The following PCSK5 variants were observed in gnomAD, a reference collection of about 807,000 sequenced individuals.
PCSK5 encodes the protein proprotein convertase subtilisin/kexin type 5, also known as prohormone convertase 5.
PCSK5 carries 129 observed loss-of-function variants against 233.2 expected under a neutral mutation model. The observed-to-expected ratio is 0.55, with a 90% confidence interval of 0.48 to 0.64. PCSK5 has a LOEUF of 0.64. PCSK5 is among the 30% of genes least tolerant of loss of function. The pLI is 0.00. For missense variants in PCSK5, 2,076 were observed against 2,430.1 expected (o/e 0.85, Z 3.06); for synonymous variants, 825 against 879.2 (o/e 0.94, Z 1.09).
chr9:76,042,775 AACTT>A (rs966997528), intron 5 of PCSK5, among the ~76,000 whole-genome samples: 5 of 152,252 alleles, frequency 3.3e-5, no homozygotes, highest in African/African-American at 1.2e-4. Context: ...CCAAATCTCC[AACTT>A]ACTTATGTAC....
intron 30 of PCSK5, among the ~76,000 whole-genome samples, chr9:76,318,141 C>T (rs2131452826): frequency 6.6e-6 from 1 of 152,292 alleles, no homozygotes; most frequent in Admixed American, 6.5e-5. Flanking sequence ...CCAAAGAAAC[C>T]TCATCTAAGT....
chr9:76,320,007 C>T (rs761047631), intron 30 of PCSK5, among the ~76,000 whole-genome samples: 5 of 152,148 alleles, frequency 3.3e-5, no homozygotes, highest in Non-Finnish European at 5.9e-5. Context: ...TTAGAAGGTT[C>T]ACTCTCCTTA....
rs1554712531 is a variant in PCSK5, at chr9:76,252,276, A to AAAAAAT, written c.3142+11594_3142+11595insAAATAA. Among the ~76,000 whole-genome samples the AAAAAAT allele has an allele frequency of 8.6e-4, 128 of 148,134 alleles. 1 individual carries two copies. Among genetic ancestry groups the AAAAAAT allele is most frequent in the African/African-American group, 2.8e-3 (106 of 37,812 alleles). On this transcript the variant is annotated intron_variant, in intron 24 of 37. Coordinates refer to ENST00000674117, the MANE Select transcript of PCSK5 (RefSeq NM_001372043.1). ...CAGAAGCGAGACTCCGTCTCAGAAAAAATAATAATAATAATAATAAAAATA... is the reference window on the plus strand; with the variant it reads ...CAGAAGCGAGACTCCGTCTCAGAAAAAAAAATAATAATAATAATAATAATAAAAATA...
chr9:76,077,074 A>G (rs1830669268), intron 7 of PCSK5, among the ~76,000 whole-genome samples: 1 of 152,238 alleles, frequency 6.6e-6, no homozygotes, highest in Non-Finnish European at 1.5e-5. Context: ...CAGCCTAGCC[A>G]AAGAAGACAA....
chr9:75,909,660 A>G (rs1156570700), intron 1 of PCSK5, among the ~76,000 whole-genome samples: 1 of 152,168 alleles, frequency 6.6e-6, no homozygotes. Context: ...GTGCCATTGC[A>G]CTTCAGCCTG....
intron 20 of PCSK5, among the ~76,000 whole-genome samples, chr9:76,203,738 G>C (rs1013917469): frequency 5.3e-5 from 8 of 152,182 alleles, no homozygotes; most frequent in African/African-American, 1.9e-4. Context: ...ATAGTAACTT[G>C]TGATGGCAGC....
rs527715944 is a variant in PCSK5 at position 76,050,920 on chromosome 9, C to G, written c.633-17035C>G. ...TGTCTCACTGCCTCCCAAGTGACAC[C>G]ACAGTTGTAAAGAATGAGCCATATG... On this transcript the variant is annotated intron_variant, in intron 5 of 37. Transcript: ENST00000674117. Among the ~76,000 whole-genome samples the G allele has an allele frequency of 2.7e-4, 41 of 152,230 alleles. No individual in the cohort carries two copies. The South Asian group carries it at 8.3e-3, about 31-fold the overall frequency.
intron 9 of PCSK5, among the ~76,000 whole-genome samples, chr9:76,131,921 G>A (rs780889099): frequency 2.6e-5 from 4 of 151,964 alleles, no homozygotes; most frequent in African/African-American, 4.8e-5. Flanking sequence ...AGATATTTTC[G>A]TCAAATCTAA....
At chr9:76,107,214 G>A (rs1364334599) in intron 8 of PCSK5, 37 bp from the exon 9 acceptor site, 3 of 1,343,908 alleles carry the variant, frequency 2.2e-6, no homozygotes, top group East Asian at 4.7e-5. Flanking sequence ...GACTCACATT[G>A]GCCTCAGAAA....
intron 30 of PCSK5, among the ~76,000 whole-genome samples, chr9:76,316,002 A>G (rs1829019222): frequency 7.3e-6 from 1 of 136,308 alleles, no homozygotes; most frequent in African/African-American, 2.8e-5. Context: ...TCCAACATCC[A>G]CTGAACCTCT....
intron 2 of PCSK5, among the ~76,000 whole-genome samples, chr9:75,985,518 G>T (rs1826472584): frequency 6.6e-6 from 1 of 151,806 alleles, no homozygotes; most frequent in East Asian, 1.9e-4. Context: ...AAAAAAAAAT[G>T]ATCCTGGAGC....
intron 36 of PCSK5, among the ~76,000 whole-genome samples, chr9:76,351,582 AAGG>A (rs1410807802): frequency 8.2e-6 from 1 of 121,856 alleles, no homozygotes; most frequent in African/African-American, 2.7e-5. Flanking sequence ...GGAAGGGAGG[AAGG>A]AGAGAGAGAA....
chr9:76,065,863 T>G (rs1204505062), intron 5 of PCSK5, among the ~76,000 whole-genome samples: 2 of 152,160 alleles, frequency 1.3e-5, no homozygotes, highest in Non-Finnish European at 2.9e-5. Flanking sequence ...TCATTTTTTA[T>G]GTATGGATAT....
chr9:76,165,937 G>A, intron 12 of PCSK5, among the ~76,000 whole-genome samples: 1 of 152,194 alleles, frequency 6.6e-6, no homozygotes, highest in East Asian at 1.9e-4. Context: ...TCTTAAGCAA[G>A]TATGTTCTTT....
At chr9:76,120,081 TA>T (rs1217534265) in intron 9 of PCSK5, among the ~76,000 whole-genome samples, 1 of 152,068 alleles carries the variant, frequency 6.6e-6, no homozygotes, top group African/African-American at 2.4e-5. Flanking sequence ...TTTTCATCAT[TA>T]AAGTTGAACC....
At chr9:75,976,243 C>T (rs1311664239) in intron 2 of PCSK5, among the ~76,000 whole-genome samples, 2 of 151,230 alleles carry the variant, frequency 1.3e-5, no homozygotes, top group African/African-American at 4.9e-5. Flanking sequence ...ACCCAACCCC[C>T]TACTTCATGT....
At chr9:76,015,686 A>G (rs1201478407) in intron 3 of PCSK5, among the ~76,000 whole-genome samples, 3 of 152,136 alleles carry the variant, frequency 2.0e-5, no homozygotes, top group African/African-American at 7.2e-5. Context: ...ATACTGGACA[A>G]CTTTAGGTGT....
At chr9:76,079,624 T>G (rs1830764086) in intron 7 of PCSK5, among the ~76,000 whole-genome samples, 1 of 152,230 alleles carries the variant, frequency 6.6e-6, no homozygotes, top group Non-Finnish European at 1.5e-5. Flanking sequence ...AGAAATAGTT[T>G]GACTTCTTTT....
At chr9:76,228,870 T>G (rs1460213299) in intron 21 of PCSK5, among the ~76,000 whole-genome samples, 2 of 152,230 alleles carry the variant, frequency 1.3e-5, no homozygotes, top group African/African-American at 2.4e-5. Flanking sequence ...AAGCGGGTGC[T>G]GTGGTGTGTT....
Sources: gnomAD v4.1 joint callset for allele counts (sites outside exome capture counted in the v4.1 genomes callset) on GRCh38, gnomAD v4.1.1 for gene constraint, MANE v1.5 for transcripts, NCBI Gene and HGNC (gene_info 2026-07-23, HGNC 2026-07-21) for gene names.